Variants in AFF3 observed in about 807,000 individuals in gnomAD.
The protein encoded by AFF3 is ALF transcription elongation factor 3.
Under a neutral mutation model 129.7 loss-of-function variants are expected in AFF3, and 32 were observed. That is an observed-to-expected ratio of 0.25 (90% CI 0.19 to 0.33). The LOEUF (loss-of-function observed/expected upper bound fraction) is 0.33, where lower values mean the gene tolerates loss of function less well. Ranked by LOEUF, AFF3 falls within the 10% of genes least tolerant of loss-of-function variation. The pLI is 1.00. For synonymous variants in AFF3, 644 were observed against 635.4 expected (o/e 1.01, Z -0.20); for missense variants, 1,373 against 1,592.0 (o/e 0.86, Z 2.34).
At chr2:99,938,458 A>G (rs1007219154) in intron 7 of AFF3, among the ~76,000 whole-genome samples, 2 of 152,134 alleles carry the variant, frequency 1.3e-5, no homozygotes, top group African/African-American at 4.8e-5. Flanking sequence ...GATGATGATG[A>G]TATGATGTAA....
In AFF3 at chr2:99,985,074, C is replaced by T. The variant is rs560550305; in HGVS notation, c.873+21558G>A. Among the ~76,000 whole-genome samples, 4 of 152,328 alleles carry T rather than the reference C, an allele frequency of 2.6e-5. 1 individual carries two copies. In the South Asian group the frequency reaches 8.3e-4, roughly 32 times the overall value. On this transcript the variant is annotated intron_variant, in intron 7 of 24. Transcript: ENST00000672756. ...GAACAGATTTCATCACTAAACTCTT[C>T]CTGGTTATGTCTGCAGCAAAACAAA... is the stretch of plus-strand genomic sequence containing the variant.
chr2:99,678,967 G>A (rs1055957076), intron 11 of AFF3, among the ~76,000 whole-genome samples: 9 of 152,148 alleles, frequency 5.9e-5, no homozygotes, highest in South Asian at 4.1e-4. Context: ...GCGTTTGTTC[G>A]GAAGAACTTA....
At chr2:100,000,798 G>T (rs1006277374) in intron 7 of AFF3, among the ~76,000 whole-genome samples, 2 of 152,260 alleles carry the variant, frequency 1.3e-5, no homozygotes, top group East Asian at 3.9e-4. Context: ...CCCGTCACAC[G>T]GCTGACAGGT....
intron 13 of AFF3, among the ~76,000 whole-genome samples, chr2:99,611,668 C>T (rs1007366078): frequency 6.6e-6 from 1 of 152,094 alleles, no homozygotes; most frequent in African/African-American, 2.4e-5. Context: ...TGGTGGATCA[C>T]TTGAGGTCAG....
In AFF3 at chr2:99,963,687, A is replaced by G. The variant is rs538641454; in HGVS notation, c.873+42945T>C. Among the ~76,000 whole-genome samples the G allele has an allele frequency of 1.1e-4, 16 of 152,190 alleles. No homozygotes were observed. In the East Asian group the frequency reaches 2.5e-3, roughly 24 times the overall value. On this transcript the variant is annotated intron_variant, in intron 7 of 24. Transcript: ENST00000672756. ...CAAATCAACACAGAACCATTTTTTAAATGTTCAAATAACCCACAGACAATT... is the reference window on the plus strand; with the variant it reads ...CAAATCAACACAGAACCATTTTTTAGATGTTCAAATAACCCACAGACAATT...
At chr2:99,798,862 T>C (rs924131714) in intron 8 of AFF3, among the ~76,000 whole-genome samples, 6 of 151,968 alleles carry the variant, frequency 3.9e-5, no homozygotes, top group African/African-American at 1.2e-4. Context: ...GATTTCAGTA[T>C]CCTGCCCTAG....
intron 1 of AFF3, among the ~76,000 whole-genome samples, chr2:100,140,800 G>A (rs929558454): frequency 3.8e-4 from 58 of 152,106 alleles, no homozygotes; most frequent in African/African-American, 1.4e-3. Context: ...GTTCTGTGCT[G>A]TTCCTCTTTC....
At chr2:100,106,265 ATTG>A (rs1358274043) in intron 2 of AFF3, 2 of 1,174,852 alleles carry the variant, frequency 1.7e-6, no homozygotes, top group African/African-American at 3.2e-5. Context: ...AGAAAATGAA[ATTG>A]TTATTTTACA....
chr2:99,921,325 G>T (rs1170241021), intron 7 of AFF3, among the ~76,000 whole-genome samples: 1 of 152,024 alleles, frequency 6.6e-6, no homozygotes, highest in Non-Finnish European at 1.5e-5. Context: ...AAGTGTCAAG[G>T]CTATAAAAGA....
intron 8 of AFF3, among the ~76,000 whole-genome samples, chr2:99,813,421 T>C (rs1384706365): frequency 1.3e-5 from 2 of 152,128 alleles, no homozygotes; most frequent in African/African-American, 4.8e-5. Context: ...ATTTACTAAA[T>C]TAAAAGAGGA....
At chr2:99,558,571 G>A (rs1474955298) in intron 22 of AFF3, among the ~76,000 whole-genome samples, 1 of 152,148 alleles carries the variant, frequency 6.6e-6, no homozygotes, top group Non-Finnish European at 1.5e-5. Flanking sequence ...AGTGAGCCGA[G>A]ATCGCACCAT....
At chr2:99,658,648 A>G (rs938662356) in intron 12 of AFF3, among the ~76,000 whole-genome samples, 4 of 152,178 alleles carry the variant, frequency 2.6e-5, no homozygotes, top group African/African-American at 9.7e-5. Context: ...TGTCCAGTGC[A>G]TTTAAGATAT....
intron 7 of AFF3, among the ~76,000 whole-genome samples, chr2:99,849,580 A>G (rs1288323286): frequency 6.6e-6 from 1 of 152,218 alleles, no homozygotes; most frequent in Non-Finnish European, 1.5e-5. Context: ...AAAATGAGGC[A>G]ACGCATATAA....
At chr2:100,066,442 G>C (rs1439646816) in intron 4 of AFF3, among the ~76,000 whole-genome samples, 1 of 152,070 alleles carries the variant, frequency 6.6e-6, no homozygotes, top group African/African-American at 2.4e-5. Flanking sequence ...TCTGTTCCCT[G>C]CCACTTGAAT....
chr2:99,774,533 A>G (rs1419661573), intron 8 of AFF3, among the ~76,000 whole-genome samples: 1 of 152,214 alleles, frequency 6.6e-6, no homozygotes, highest in Non-Finnish European at 1.5e-5. Context: ...AGAACTGACT[A>G]GCGATATGCA....
At chr2:99,553,258 C>T (rs1476292351) in intron 24 of AFF3, among the ~76,000 whole-genome samples, 1 of 152,178 alleles carries the variant, frequency 6.6e-6, no homozygotes, top group Non-Finnish European at 1.5e-5. Context: ...CTAGCAAGCT[C>T]CTCCTGGTGG....
intron 7 of AFF3, among the ~76,000 whole-genome samples, chr2:99,869,405 T>C (rs893167726): frequency 6.8e-6 from 1 of 147,438 alleles, no homozygotes; most frequent in Admixed American, 6.9e-5. Context: ...TCTATGCCCA[T>C]GTGTCAGCTG....
chr2:99,852,666 C>CA (rs906707164), intron 7 of AFF3, among the ~76,000 whole-genome samples: 4 of 151,932 alleles, frequency 2.6e-5, no homozygotes, highest in African/African-American at 9.7e-5. Flanking sequence ...GGGGAGCAGG[C>CA]AAAAAACAAA....
intron 11 of AFF3, among the ~76,000 whole-genome samples, chr2:99,725,487 A>G (rs1679293476): frequency 6.6e-6 from 1 of 151,796 alleles, no homozygotes; most frequent in Admixed American, 6.6e-5. Context: ...CTGCCACCAC[A>G]CCCAGCTAAT....
Sources: gnomAD v4.1 joint callset for allele counts (sites outside exome capture counted in the v4.1 genomes callset) on GRCh38, gnomAD v4.1.1 for gene constraint, MANE v1.5 for transcripts, NCBI Gene and HGNC (gene_info 2026-07-23, HGNC 2026-07-21) for gene names.